Variants in TDRD3 observed in about 807,000 individuals in gnomAD.
The protein encoded by TDRD3 is tudor domain containing 3, also known as tudor domain-containing protein 3.
A neutral mutation model predicts 86.7 loss-of-function variants in TDRD3; 45 were observed. The ratio of observed to expected loss-of-function variants is 0.52; its 90% CI spans 0.41 to 0.67. TDRD3 has a LOEUF of 0.67. Ranked by LOEUF, TDRD3 falls within the 30% of genes least tolerant of loss-of-function variation. TDRD3 has a pLI of 0.00. For synonymous variants in TDRD3, 298 were observed against 301.7 expected (o/e 0.99, Z 0.13); for missense variants, 814 against 889.0 (o/e 0.92, Z 1.07).
chr13:60,446,182 CAATATT>C (rs1955391829), intron 3 of TDRD3, among the ~76,000 whole-genome samples: 1 of 152,098 alleles, frequency 6.6e-6, no homozygotes, highest in African/African-American at 2.4e-5. Flanking sequence ...ACTTCCAACA[CAATATT>C]AATAAACTAA....
intron 12 of TDRD3, among the ~76,000 whole-genome samples, chr13:60,540,766 A>T (rs1465086903): frequency 6.6e-6 from 1 of 152,156 alleles, no homozygotes; most frequent in Non-Finnish European, 1.5e-5. Flanking sequence ...AATCTATTTA[A>T]ACTATATGTA....
intron 5 of TDRD3, among the ~76,000 whole-genome samples, chr13:60,477,153 T>C (rs982988863): frequency 1.3e-5 from 2 of 151,762 alleles, no homozygotes; most frequent in African/African-American, 4.8e-5. Context: ...TGCTTCAGCT[T>C]TTGCCTGTTG....
rs377160463 is a variant in TDRD3 at position 60,468,099 on chromosome 13, A to G, written c.495+720A>G. ...TACTTTCACCAGGTTTTCTTCCTTC[A>G]GCATAGTTGAGATGCTTTTATTTCA... is the stretch of plus-strand genomic sequence containing the variant. On this transcript the variant is annotated intron_variant, in intron 5 of 13. Coordinates refer to ENST00000377881, the MANE Select transcript of TDRD3 (RefSeq NM_001146070.2). 2.6e-5 allele frequency among the ~76,000 whole-genome samples: 4 copies of G among 152,218 alleles called. No homozygotes were observed. In the South Asian group the frequency reaches 8.3e-4, roughly 32 times the overall value.
At chr13:60,419,732 T>C (rs1306018407) in intron 1 of TDRD3, among the ~76,000 whole-genome samples, 1 of 151,906 alleles carries the variant, frequency 6.6e-6, no homozygotes, top group Non-Finnish European at 1.5e-5. Context: ...CAAACCACCA[T>C]GGCACATGTA....
rs926348230 is a variant in TDRD3, at chr13:60,471,705, T to C, written c.495+4326T>C. 3.5e-4 allele frequency among the ~76,000 whole-genome samples: 53 copies of C among 152,210 alleles called. 1 individual carries two copies. Among genetic ancestry groups the C allele is most frequent in the Non-Finnish European group, 1.5e-4 (10 of 68,016 alleles). Reference sequence around the variant, plus strand: ...TAGAGAAACACAACTGATTTCTCTGTGTTGATTTTGCGTACTCCAACTTTA... The same window carrying C: ...TAGAGAAACACAACTGATTTCTCTGCGTTGATTTTGCGTACTCCAACTTTA... On this transcript the variant is annotated intron_variant, in intron 5 of 13. Coordinates refer to ENST00000377881, the MANE Select transcript of TDRD3 (RefSeq NM_001146070.2).
intron 10 of TDRD3, 30 bp from the exon 11 acceptor site, chr13:60,528,337 A>G: frequency 1.3e-6 from 2 of 1,543,842 alleles, no homozygotes; most frequent in Admixed American, 2.2e-5. Context: ...CTTCATCTTA[A>G]TTTGCATATG....
chr13:60,452,790 C>G (rs1388460271), intron 3 of TDRD3, among the ~76,000 whole-genome samples: 2 of 148,376 alleles, frequency 1.3e-5, no homozygotes, highest in African/African-American at 4.9e-5. Context: ...CTAATAGTTT[C>G]TGGACATTTT....
At chr13:60,431,703 CAAAAAAAAA>C (rs67787868) in intron 1 of TDRD3, among the ~76,000 whole-genome samples, 1 of 63,006 alleles carries the variant, frequency 1.6e-5, no homozygotes, top group African/African-American at 5.7e-5. Flanking sequence ...CTATCTTTAC[CAAAAAAAAA>C]AAAAAAAAAA....
chr13:60,512,584 C>T (rs1379309428), intron 10 of TDRD3, among the ~76,000 whole-genome samples: 2 of 152,150 alleles, frequency 1.3e-5, no homozygotes, highest in Non-Finnish European at 2.9e-5. Flanking sequence ...GGGGTACAGG[C>T]ATTAGGTAAA....
chr13:60,525,380 G>C (rs1957404349), intron 10 of TDRD3, among the ~76,000 whole-genome samples: 1 of 151,420 alleles, frequency 6.6e-6, no homozygotes, highest in African/African-American at 2.4e-5. Context: ...CACCATGTTG[G>C]CCAGGCTGGT....
At chr13:60,453,776 G>A (rs1334793567) in intron 3 of TDRD3, among the ~76,000 whole-genome samples, 1 of 152,122 alleles carries the variant, frequency 6.6e-6, no homozygotes, top group Admixed American at 6.5e-5. Context: ...TAAATACAAA[G>A]CATTTTAAAC....
intron 3 of TDRD3, among the ~76,000 whole-genome samples, chr13:60,454,500 C>A (rs1033766082): frequency 6.6e-6 from 1 of 151,986 alleles, no homozygotes; most frequent in African/African-American, 2.4e-5. Context: ...AGAATCCTGG[C>A]CACTTGAATC....
intron 10 of TDRD3, among the ~76,000 whole-genome samples, chr13:60,511,017 A>G (rs77575366): frequency 0.011 from 1,715 of 152,248 alleles, 39 homozygotes; most frequent in African/African-American, 0.039. Flanking sequence ...GATGACAGAT[A>G]TAACTGTGTA....
At chr13:60,505,522 A>G (rs1956917893) in intron 8 of TDRD3, among the ~76,000 whole-genome samples, 1 of 152,168 alleles carries the variant, frequency 6.6e-6, no homozygotes, top group Non-Finnish European at 1.5e-5. Context: ...GCTTCAGCAG[A>G]CATAAACATT....
Position 60,397,285 on chromosome 13 carries a change from T to TTC in TDRD3, c.-80_-79insTC. On this transcript the variant is annotated 5_prime_UTR_variant, in exon 1 of 14. It removes the in-frame stop codon of an upstream open reading frame in the 5' UTR. Coordinates refer to ENST00000377881, the MANE Select transcript of TDRD3 (RefSeq NM_001146070.2). ...TTCTTTTCTTTTCTTTTTTTTTTTT[T>TTC]AAGGGGGGGGGTCTCAAGTAGGAGG... The TTC allele has an allele frequency of 6.4e-6, 4 of 623,710 alleles. No individual in the cohort carries two copies. The highest frequency in any genetic ancestry group is 2.2e-5 in the African/African-American group (1 of 45,256). The allele number at this position is 623,710 out of a possible 1,614,324, so 38.6% of individuals were successfully genotyped here.
intron 12 of TDRD3, among the ~76,000 whole-genome samples, chr13:60,539,233 C>T (rs2137835798): frequency 6.6e-6 from 1 of 152,030 alleles, no homozygotes; most frequent in Middle Eastern, 3.4e-3. Context: ...AGTTGTCGGG[C>T]ACTGTTCTAG....
chr13:60,396,323 A>G (rs1953903398), upstream of TDRD3: 1 of 152,250 alleles, frequency 6.6e-6, no homozygotes, highest in African/African-American at 2.4e-5. Context: ...GCAAACTTTT[A>G]GGGAGCGCCT....
At chr13:60,562,268 G>A (rs1280472758) in intron 12 of TDRD3, among the ~76,000 whole-genome samples, 3 of 151,960 alleles carry the variant, frequency 2.0e-5, no homozygotes, top group African/African-American at 7.3e-5. Flanking sequence ...AGCCAAGATT[G>A]CACCACTGCA....
At chr13:60,433,146 T>C (rs866927907) in intron 1 of TDRD3, among the ~76,000 whole-genome samples, 19 of 152,228 alleles carry the variant, frequency 1.2e-4, no homozygotes, top group African/African-American at 4.1e-4. Context: ...CAATGTGCAA[T>C]AATTCTGTAT....
Sources: gnomAD v4.1 joint callset for allele counts (sites outside exome capture counted in the v4.1 genomes callset) on GRCh38, gnomAD v4.1.1 for gene constraint, MANE v1.5 for transcripts, NCBI Gene and HGNC (gene_info 2026-07-23, HGNC 2026-07-21) for gene names.